HIPK1: variants seen among roughly 807,000 people sequenced by gnomAD.
HIPK1 encodes homeodomain-interacting protein kinase 1.
Under a neutral mutation model 117.1 loss-of-function variants are expected in HIPK1, and 28 were observed. The ratio of observed to expected loss-of-function variants is 0.24; its 90% CI spans 0.18 to 0.33. HIPK1 has a LOEUF of 0.33. Ranked by LOEUF, HIPK1 falls within the 10% of genes least tolerant of loss-of-function variation. The pLI is 1.00. For synonymous variants in HIPK1, 605 were observed against 562.5 expected, an observed-to-expected ratio of 1.08 and a Z score of -1.07; for missense variants, 1,122 against 1,475.1, an observed-to-expected ratio of 0.76 and a Z score of 3.92.
chr1:113,974,428 T>G lies in HIPK1; in HGVS notation c.*916T>G, dbSNP rs1440380537. 6.5e-6 allele frequency: 1 copy of G among 152,760 alleles called. No homozygotes were observed. Among genetic ancestry groups the G allele is most frequent in the African/African-American group, 2.4e-5 (1 of 41,430 alleles). 9.5% of individuals were successfully genotyped at this position (152,760 alleles called of 1,614,324 possible). A position where few individuals can be genotyped will look rare whatever the true frequency, so the allele number is the denominator to read the frequency against. On this transcript the variant is annotated 3_prime_UTR_variant, in exon 16 of 16. Transcript: ENST00000426820. Reference sequence around the variant, plus strand: ...GTGGTTTTATTATATGCAAAATCTCTGTCTATTATGAGATACTGGCATTGA... The same window carrying G: ...GTGGTTTTATTATATGCAAAATCTCGGTCTATTATGAGATACTGGCATTGA...
At chr1:113,929,934 C>T (rs1012965623) in intron 1 of HIPK1, 3 of 985,360 alleles carry the variant, frequency 3.0e-6, no homozygotes, top group African/African-American at 3.5e-5. Flanking sequence ...ACCAGACACA[C>T]CGGCGGTGAG....
At chr1:113,955,897 T>C (rs977207359) in intron 5 of HIPK1, among the ~76,000 whole-genome samples, 4 of 152,152 alleles carry the variant, frequency 2.6e-5, no homozygotes, top group African/African-American at 4.8e-5. Context: ...ATATTACTTA[T>C]GAAAGTTTCT....
intron 9 of HIPK1, among the ~76,000 whole-genome samples, chr1:113,963,071 T>C (rs2101422525): frequency 6.6e-6 from 1 of 152,354 alleles, no homozygotes; most frequent in East Asian, 1.9e-4. Context: ...ACATAGGAAA[T>C]TCTCAAATCC....
intron 10 of HIPK1, 127 bp downstream of exon 10, chr1:113,963,648 CTT>C: frequency 9.5e-7 from 1 of 1,048,798 alleles, no homozygotes. Flanking sequence ...TTAGCTTAGT[CTT>C]TGCAGAGGGC....
chr1:113,968,084 A>G, intron 12 of HIPK1, 136 bp downstream of exon 12: 1 of 729,752 alleles, frequency 1.4e-6, no homozygotes, highest in South Asian at 1.9e-5. Context: ...AGAGCAAATC[A>G]TTTCATCTGG....
At chr1:113,930,076 T>A in intron 1 of HIPK1, 1 of 948,384 alleles carries the variant, frequency 1.1e-6, no homozygotes, top group Non-Finnish European at 1.3e-6. Context: ...GGCCCCTGCC[T>A]GGGACCGGGC....
intron 1 of HIPK1, chr1:113,933,320 G>C: frequency 2.5e-6 from 1 of 394,832 alleles, no homozygotes; most frequent in Non-Finnish European, 3.4e-6. Flanking sequence ...GGCCAGAGAA[G>C]GCAAGGTCTA....
At chr1:113,950,939 A>G (rs183092437) in intron 2 of HIPK1, among the ~76,000 whole-genome samples, 51 of 152,316 alleles carry the variant, frequency 3.3e-4, no homozygotes, top group Admixed American at 2.3e-3. Flanking sequence ...AAGATACATT[A>G]TTTTTGTACC....
intron 1 of HIPK1, among the ~76,000 whole-genome samples, chr1:113,934,784 G>GAAA (rs564619583): frequency 5.8e-5 from 3 of 51,518 alleles, no homozygotes; most frequent in Admixed American, 2.4e-4. Flanking sequence ...CCTCATCTCT[G>GAAA]AAAAAAAAAA....
intron 10 of HIPK1, among the ~76,000 whole-genome samples, chr1:113,963,754 C>T (rs999392616): frequency 2.0e-5 from 3 of 152,188 alleles, no homozygotes; most frequent in Non-Finnish European, 2.9e-5. Flanking sequence ...CACTGTCTGA[C>T]TGATGGTTAT....
intron 2 of HIPK1, among the ~76,000 whole-genome samples, chr1:113,947,494 G>A (rs1671062252): frequency 6.6e-6 from 1 of 152,176 alleles, no homozygotes; most frequent in Admixed American, 6.5e-5. Flanking sequence ...AGGAAGTTAG[G>A]TTTTATGTAA....
chr1:113,956,603 A>G (rs1388456028), intron 5 of HIPK1, 24 bp from the exon 6 acceptor site: 3 of 1,591,422 alleles, frequency 1.9e-6, no homozygotes, highest in South Asian at 2.2e-5. Flanking sequence ...GTGAAGAAGT[A>G]TAATTCTGAA....
intron 11 of HIPK1, among the ~76,000 whole-genome samples, chr1:113,966,707 C>T (rs1306473691): frequency 6.6e-6 from 1 of 152,060 alleles, no homozygotes; most frequent in African/African-American, 2.4e-5. Context: ...AGGGGGTGTC[C>T]ATCCCCTCAA....
chr1:113,952,894 A>G lies in HIPK1; in HGVS notation c.1200+5A>G, dbSNP rs779151450. ...GGTGCTTCAGAATATGATCAGGTAA[A>G]AGTGTTTATTTGAATGGAAATAGAA... is the stretch of plus-strand genomic sequence containing the variant. On this transcript the variant is annotated splice_donor_5th_base_variant and intron_variant, in intron 3 of 15. Coordinates refer to ENST00000426820, the MANE Select transcript of HIPK1 (RefSeq NM_198268.3). 2 of 1,490,222 alleles carry G rather than the reference A, an allele frequency of 1.3e-6. No homozygotes were observed. Among genetic ancestry groups the G allele is most frequent in the Non-Finnish European group, 1.8e-6 (2 of 1,120,746 alleles). 92.3% of individuals were successfully genotyped at this position (1,490,222 alleles called of 1,614,324 possible).
At chr1:113,953,248 C>T (rs369840531) in intron 3 of HIPK1, among the ~76,000 whole-genome samples, 2 of 152,098 alleles carry the variant, frequency 1.3e-5, no homozygotes, top group African/African-American at 2.4e-5. Context: ...TCTACTTACT[C>T]GGAGCTATTA....
rs143263012 is a variant in HIPK1 at position 113,965,551 on chromosome 1, A to C, written c.2239-579A>C. 3.2e-3 allele frequency among the ~76,000 whole-genome samples: 491 copies of C among 152,288 alleles called. 5 individuals are homozygous for C. Among genetic ancestry groups the C allele is most frequent in the African/African-American group, 0.011 (474 of 41,522 alleles). On this transcript the variant is annotated intron_variant, in intron 10 of 15. Coordinates refer to ENST00000426820, the MANE Select transcript of HIPK1 (RefSeq NM_198268.3). ...TTGAAATTCCATTATGTGGCTATAA[A>C]TGATGAAGTTAGCTTTTTCTTGCTG...
At chr1:113,947,229 A>C (rs548685707) in intron 2 of HIPK1, among the ~76,000 whole-genome samples, 16 of 152,260 alleles carry the variant, frequency 1.1e-4, no homozygotes, top group African/African-American at 3.9e-4. Flanking sequence ...GCTCACTGTA[A>C]ATGTGCACAG....
Position 113,951,169 on chromosome 1 carries a change from TTTA to T in HIPK1, c.1077-1588_1077-1586del, listed in dbSNP as rs1298473175. 6.5e-6 allele frequency: 6 copies of T among 921,550 alleles called. No homozygotes were observed. The African/African-American group carries it at 8.9e-5, about 14-fold the overall frequency. The allele number at this position is 921,550 out of a possible 1,614,324, so 57.1% of individuals were successfully genotyped here. ...CATAGTAGGCAATATTTATGTGTCA[TTTA>T]TTATTATTGCTATTAGTGTTACCTA... On this transcript the variant is annotated intron_variant, in intron 2 of 15. Coordinates refer to ENST00000426820, the MANE Select transcript of HIPK1 (RefSeq NM_198268.3).
At chr1:113,930,179 C>T (rs1028160319) in intron 1 of HIPK1, among the ~76,000 whole-genome samples, 6 of 152,256 alleles carry the variant, frequency 3.9e-5, no homozygotes, top group African/African-American at 9.6e-5. Flanking sequence ...GGGGCAACTC[C>T]CCCTGCCTCC....
Sources: allele counts gnomAD v4.1 joint callset (sites outside exome capture counted in the v4.1 genomes callset), GRCh38; gene constraint gnomAD v4.1.1; transcripts MANE v1.5; gene names NCBI Gene and HGNC (gene_info 2026-07-23, HGNC 2026-07-21).